Variants in SYNPO2 observed in about 807,000 individuals in gnomAD.
SYNPO2 encodes the protein synaptopodin 2.
A neutral mutation model predicts 85.0 loss-of-function variants in SYNPO2; 56 were observed. The observed-to-expected ratio is 0.66, with a 90% confidence interval of 0.53 to 0.82. The LOEUF (loss-of-function observed/expected upper bound fraction) is 0.82. SYNPO2 is among the 40% of genes least tolerant of loss of function. SYNPO2 has a pLI of 0.00. For missense variants in SYNPO2, 1,575 were observed against 1,534.2 expected (o/e 1.03, Z -0.44); for synonymous variants, 602 against 591.1 (o/e 1.02, Z -0.27).
chr4:118,860,329 G>C (rs186403154), intron 1 of SYNPO2, among the ~76,000 whole-genome samples: 2 of 151,498 alleles, frequency 1.3e-5, no homozygotes, highest in Non-Finnish European at 2.9e-5. Context: ...CTGCAGCCTC[G>C]ACCTCTCAGG....
In SYNPO2 at chr4:119,058,086, G is replaced by A. The variant is rs369548171; in HGVS notation, c.*152G>A. The A allele has an allele frequency of 4.5e-6, 3 of 665,788 alleles. No individual in the cohort carries two copies. Among genetic ancestry groups the A allele is most frequent in the South Asian group, 2.0e-5 (1 of 49,366 alleles). 41.2% of individuals were successfully genotyped at this position (665,788 alleles called of 1,614,324 possible). On this transcript the variant is annotated 3_prime_UTR_variant, in exon 5 of 5. Coordinates refer to ENST00000307142, the MANE Select transcript of SYNPO2 (RefSeq NM_133477.3). ...TCTAAGTTTGTGTTTCTGTGTGTGT[G>A]TGTGTGTGTGTATGTATGTGAATAT...
chr4:119,046,850 C>T (rs1738885101), intron 4 of SYNPO2, among the ~76,000 whole-genome samples: 1 of 152,130 alleles, frequency 6.6e-6, no homozygotes, highest in South Asian at 2.1e-4. Flanking sequence ...CATTTACAAG[C>T]CTTACGCTTT....
intron 4 of SYNPO2, among the ~76,000 whole-genome samples, chr4:119,050,897 C>T (rs1739017792): frequency 6.6e-6 from 1 of 152,216 alleles, no homozygotes; most frequent in Admixed American, 6.5e-5. Context: ...CTTCACTCAG[C>T]ACGTGGCCTT....
chr4:118,856,802 C>T (rs182129551), intron 1 of SYNPO2, among the ~76,000 whole-genome samples: 1,567 of 152,130 alleles, frequency 0.01, 24 homozygotes, highest in African/African-American at 0.036. Flanking sequence ...GTGAGCCACA[C>T]CTGGCCTATA....
intron 1 of SYNPO2, among the ~76,000 whole-genome samples, chr4:118,927,674 C>T (rs1169312128): frequency 6.7e-6 from 1 of 150,110 alleles, no homozygotes; most frequent in Non-Finnish European, 1.5e-5. Flanking sequence ...TGTGCTGCTA[C>T]CTAGTAATTG....
intron 1 of SYNPO2, among the ~76,000 whole-genome samples, chr4:118,907,981 T>C (rs1292224201): frequency 1.3e-5 from 2 of 152,184 alleles, no homozygotes; most frequent in Non-Finnish European, 2.9e-5. Flanking sequence ...TTAATGGCTG[T>C]GTAGTATTAT....
At chr4:118,921,779 GCA>G (rs149219584) in intron 1 of SYNPO2, among the ~76,000 whole-genome samples, 343 of 148,354 alleles carry the variant, frequency 2.3e-3, no homozygotes, top group African/African-American at 6.5e-3. Context: ...CTTTTCATAT[GCA>G]CACACACACA....
At chr4:118,981,822 A>G (rs1312976653) in intron 1 of SYNPO2, among the ~76,000 whole-genome samples, 1 of 152,106 alleles carries the variant, frequency 6.6e-6, no homozygotes, top group African/African-American at 2.4e-5. Context: ...TTCCTCATGT[A>G]CCTCATAATT....
intron 1 of SYNPO2, among the ~76,000 whole-genome samples, chr4:119,014,506 A>T (rs114508071): frequency 6.6e-6 from 1 of 152,216 alleles, no homozygotes; most frequent in African/African-American, 2.4e-5. Context: ...ACGGTTTTTC[A>T]TAAAAAAGTA....
chr4:118,938,378 A>T (rs1734185667), intron 1 of SYNPO2, among the ~76,000 whole-genome samples: 2 of 152,070 alleles, frequency 1.3e-5, no homozygotes, highest in Non-Finnish European at 2.9e-5. Context: ...TTGAATTGTT[A>T]TATCGTTATT....
chr4:119,005,197 A>AGTTTCTTTT (rs1367337414), intron 1 of SYNPO2, among the ~76,000 whole-genome samples: 1 of 152,082 alleles, frequency 6.6e-6, no homozygotes, highest in Non-Finnish European at 1.5e-5. Flanking sequence ...CTCTGTTGGT[A>AGTTTCTTTT]GTTTCTTTTG....
chr4:118,906,004 T>A (rs974109418), intron 1 of SYNPO2, among the ~76,000 whole-genome samples: 16 of 152,210 alleles, frequency 1.1e-4, no homozygotes, highest in Admixed American at 4.6e-4. Context: ...AGGAACCCCA[T>A]CTTTTCATAG....
rs371521065 is a variant in SYNPO2, at chr4:118,863,699, C to T, written c.12+12759C>T. Among the ~76,000 whole-genome samples the T allele has an allele frequency of 1.5e-4, 23 of 152,256 alleles. No individual in the cohort carries two copies. The East Asian group carries it at 2.7e-3, about 18-fold the overall frequency. ...TGATCCTGGCTCACTGCAACCTCCA[C>T]CTCCCAGGTTCAAGCAATTCTCCTG... On this transcript the variant is annotated intron_variant, in intron 1 of 4. Coordinates refer to the SYNPO2 transcript ENST00000610556.
intron 1 of SYNPO2, among the ~76,000 whole-genome samples, chr4:119,009,392 A>C (rs1193034890): frequency 6.6e-6 from 1 of 152,232 alleles, no homozygotes; most frequent in African/African-American, 2.4e-5. Context: ...AAAAAATCTT[A>C]AAATAATGAT....
chr4:118,988,350 T>C (rs1474069792), intron 1 of SYNPO2, among the ~76,000 whole-genome samples: 3 of 151,904 alleles, frequency 2.0e-5, no homozygotes, highest in Non-Finnish European at 4.4e-5. Flanking sequence ...AAGGTGTTAA[T>C]GGAGAAGCAA....
chr4:118,937,699 A>C (rs9884412), intron 1 of SYNPO2, among the ~76,000 whole-genome samples: 4,140 of 152,278 alleles, frequency 0.027, 187 homozygotes, highest in African/African-American at 0.093. Flanking sequence ...TATAACTTTT[A>C]AAAAAAGATT....
rs751541918 is a variant in SYNPO2 at position 119,031,722 on chromosome 4, G to A, written c.2947G>A (p.Asp983Asn). 1 of 1,614,180 alleles carries A rather than the reference G, an allele frequency of 6.2e-7. No individual in the cohort carries two copies. Among genetic ancestry groups the A allele is most frequent in the Non-Finnish European group, 8.5e-7 (1 of 1,180,038 alleles). The change falls in exon 4 of 5, where the codon GAT (aspartate) becomes AAT (asparagine). Residue 983 changes from aspartate to asparagine, a missense_variant. Coordinates refer to ENST00000307142, the MANE Select transcript of SYNPO2 (RefSeq NM_133477.3). ...ATCCTTGTTTACTTTCCAACCTCCA[G>A]ATGCAAAGGATGGCCTCCCCCAGAA... ...NASLFTFQPP[D>N]AKDGLPQKSS...
chr4:118,869,331 A>C (rs1164435263), intron 1 of SYNPO2, among the ~76,000 whole-genome samples: 1 of 152,194 alleles, frequency 6.6e-6, no homozygotes, highest in Non-Finnish European at 1.5e-5. Context: ...CTGGGATTAC[A>C]TGAGCCACTG....
chr4:118,859,286 G>A (rs1003721549), intron 1 of SYNPO2, among the ~76,000 whole-genome samples: 6 of 151,828 alleles, frequency 4.0e-5, no homozygotes, highest in Admixed American at 6.6e-5. Flanking sequence ...TTTAATTTTT[G>A]TGGGTACATA....
Sources: gnomAD v4.1 joint callset for allele counts (sites outside exome capture counted in the v4.1 genomes callset) on GRCh38, gnomAD v4.1.1 for gene constraint, MANE v1.5 for transcripts, NCBI Gene and HGNC (gene_info 2026-07-23, HGNC 2026-07-21) for gene names.